The following CTNND2 variants were observed in gnomAD, a reference collection of about 807,000 sequenced individuals.
CTNND2 encodes catenin delta 2.
Under a neutral mutation model 144.4 loss-of-function variants are expected in CTNND2, and 22 were observed. The observed-to-expected ratio is 0.15, with a 90% CI of 0.11 to 0.22. The LOEUF is 0.22. CTNND2 is among the 10% of genes least tolerant of loss of function. The pLI is 1.00. For synonymous variants in CTNND2, 751 were observed against 695.6 expected, an observed-to-expected ratio of 1.08 and a Z score of -1.25; for missense variants, 1,353 against 1,618.8, an observed-to-expected ratio of 0.84 and a Z score of 2.82.
At chr5:11,533,044 C>T (rs1432676260) in intron 3 of CTNND2, among the ~76,000 whole-genome samples, 1 of 152,172 alleles carries the variant, frequency 6.6e-6, no homozygotes, top group Non-Finnish European at 1.5e-5. Flanking sequence ...CACTAGTGTT[C>T]CCATGAAGTG....
At chr5:11,845,740 A>G (rs1794703613) in intron 1 of CTNND2, among the ~76,000 whole-genome samples, 2 of 152,242 alleles carry the variant, frequency 1.3e-5, no homozygotes, top group Non-Finnish European at 2.9e-5. Flanking sequence ...AAGACGATCT[A>G]TGGCTTGAAA....
intron 10 of CTNND2, among the ~76,000 whole-genome samples, chr5:11,219,823 T>C (rs1244725876): frequency 6.6e-6 from 1 of 152,182 alleles, no homozygotes; most frequent in East Asian, 1.9e-4. Flanking sequence ...ACTTTGGAAA[T>C]TATTCAGCTC....
chr5:11,310,225 C>G (rs1310526190), intron 9 of CTNND2, among the ~76,000 whole-genome samples: 3 of 152,078 alleles, frequency 2.0e-5, no homozygotes, highest in African/African-American at 7.3e-5. Context: ...CACAGAGTTC[C>G]TGCTCATGGG....
chr5:11,644,187 A>C (rs1004028458), intron 2 of CTNND2, among the ~76,000 whole-genome samples: 7 of 152,214 alleles, frequency 4.6e-5, no homozygotes, highest in African/African-American at 1.7e-4. Context: ...GAAAAAGTGA[A>C]AAAAAACCTA....
chr5:11,056,822 C>T (rs916630426), intron 16 of CTNND2, among the ~76,000 whole-genome samples: 3 of 152,218 alleles, frequency 2.0e-5, no homozygotes, highest in Non-Finnish European at 4.4e-5. Context: ...ATGTGATGCT[C>T]AGCCTGGGCT....
intron 9 of CTNND2, among the ~76,000 whole-genome samples, chr5:11,285,438 G>C (rs562209482): frequency 3.3e-5 from 5 of 152,300 alleles, no homozygotes; most frequent in African/African-American, 1.2e-4. Context: ...TCCTGAAACA[G>C]AGCAGAAGAT....
In CTNND2 at chr5:11,507,969, G is replaced by A. The variant is rs371619795; in HGVS notation, c.287+56975C>T. ...AATAAGGCTCGTGTTGTGAGGCTTT[G>A]GACATACAAAGAAATGGATTTTTTT... On this transcript the variant is annotated intron_variant, in intron 3 of 21. Transcript: ENST00000304623. Among the ~76,000 whole-genome samples, 5 of 144,654 alleles carry A rather than the reference G, an allele frequency of 3.5e-5. No individual in the cohort carries two copies. The South Asian group carries it at 1.1e-3, about 33-fold the overall frequency. The allele number at this position is 144,654 out of a possible 152,430, so 94.9% of individuals were successfully genotyped here.
At chr5:11,103,062 A>G (rs532476758) in intron 14 of CTNND2, among the ~76,000 whole-genome samples, 77 of 140,306 alleles carry the variant, frequency 5.5e-4, no homozygotes, top group Middle Eastern at 4.1e-3. Context: ...GCTCACTGCA[A>G]CCTCTGCCTC....
intron 1 of CTNND2, among the ~76,000 whole-genome samples, chr5:11,747,549 A>T (rs1436621857): frequency 1.3e-5 from 2 of 152,160 alleles, no homozygotes; most frequent in Non-Finnish European, 2.9e-5. Context: ...AATCCATCTC[A>T]TACATTGCAT....
chr5:11,716,895 G>A (rs145979637), intron 2 of CTNND2, among the ~76,000 whole-genome samples: 1 of 151,636 alleles, frequency 6.6e-6, no homozygotes, highest in South Asian at 2.1e-4. Context: ...TTGAGATGGA[G>A]TCTCACTTTG....
At chr5:11,607,680 A>C (rs1780118095) in intron 2 of CTNND2, among the ~76,000 whole-genome samples, 1 of 152,208 alleles carries the variant, frequency 6.6e-6, no homozygotes, top group African/African-American at 2.4e-5. Flanking sequence ...CTTCTGCAAG[A>C]TATTCCTTGC....
chr5:11,391,470 A>C (rs536075311), intron 6 of CTNND2, among the ~76,000 whole-genome samples: 1 of 152,204 alleles, frequency 6.6e-6, no homozygotes, highest in African/African-American at 2.4e-5. Flanking sequence ...CAAGTAAAAC[A>C]AATCTACATC....
chr5:11,707,546 G>A (rs988707323), intron 2 of CTNND2, among the ~76,000 whole-genome samples: 1 of 152,124 alleles, frequency 6.6e-6, no homozygotes, highest in Non-Finnish European at 1.5e-5. Flanking sequence ...AGTTCAGGAA[G>A]ATACCACAGG....
chr5:11,135,672 C>T (rs1472533878), intron 12 of CTNND2, among the ~76,000 whole-genome samples: 3 of 152,160 alleles, frequency 2.0e-5, no homozygotes, highest in Non-Finnish European at 4.4e-5. Context: ...TTAGGTGATT[C>T]CAACTCCAAA....
chr5:11,543,288 A>G (rs1283160172), intron 3 of CTNND2, among the ~76,000 whole-genome samples: 4 of 152,180 alleles, frequency 2.6e-5, no homozygotes, highest in Admixed American at 6.5e-5. Context: ...CAGTGTCCTC[A>G]CCACTTAAGG....
chr5:11,501,711 C>T (rs1013677323), intron 3 of CTNND2, among the ~76,000 whole-genome samples: 3 of 151,950 alleles, frequency 2.0e-5, no homozygotes, highest in Admixed American at 1.3e-4. Flanking sequence ...TTAGTGCCCT[C>T]ATAAGAAGGG....
chr5:11,351,445 G>A lies in CTNND2; in HGVS notation c.1373-4818C>T, dbSNP rs144549119. On this transcript the variant is annotated intron_variant, in intron 8 of 21. Transcript: ENST00000304623. ...ACGTGATACTTCAATAGATACCTAC[G>A]CTTTCATGAAATTATCTGTTTTCTG... Among the ~76,000 whole-genome samples the A allele has an allele frequency of 5.3e-5, 8 of 152,250 alleles. No individual in the cohort carries two copies. The East Asian group carries it at 9.6e-4, about 18-fold the overall frequency.
intron 1 of CTNND2, among the ~76,000 whole-genome samples, chr5:11,827,552 C>T (rs938711390): frequency 6.6e-6 from 1 of 151,928 alleles, no homozygotes; most frequent in African/African-American, 2.4e-5. Flanking sequence ...ACACATCAAG[C>T]AAGAAAAAGA....
intron 3 of CTNND2, among the ~76,000 whole-genome samples, chr5:11,479,684 T>C (rs1768065918): frequency 6.6e-6 from 1 of 152,162 alleles, no homozygotes; most frequent in South Asian, 2.1e-4. Context: ...TTCTTAATCA[T>C]AGCCACTCTG....
Sources: gnomAD v4.1 joint callset for allele counts (sites outside exome capture counted in the v4.1 genomes callset) on GRCh38, gnomAD v4.1.1 for gene constraint, MANE v1.5 for transcripts, NCBI Gene and HGNC (gene_info 2026-07-23, HGNC 2026-07-21) for gene names.